Variants in MYOF observed in about 807,000 individuals in gnomAD.
MYOF encodes fer-1-like 3, myoferlin.
Under a neutral mutation model 284.2 loss-of-function variants are expected in MYOF, and 244 were observed. The observed-to-expected ratio is 0.86, with a 90% confidence interval of 0.77 to 0.95. The LOEUF (loss-of-function observed/expected upper bound fraction) is 0.95. Among genes scored for constraint, MYOF ranks in the 40% least tolerant of loss-of-function variants. MYOF has a pLI of 0.00. For missense variants in MYOF, 2,496 were observed against 2,560.6 expected (o/e 0.97, Z 0.54); for synonymous variants, 904 against 919.7 (o/e 0.98, Z 0.31).
intron 10 of MYOF, 65 bp from the exon 11 acceptor site, chr10:93,402,412 C>T: frequency 1.6e-6 from 2 of 1,281,322 alleles, no homozygotes; most frequent in Non-Finnish European, 2.3e-6. Flanking sequence ...TCTGTGATTC[C>T]TCTGCCATAA....
intron 28 of MYOF, 77 bp downstream of exon 28, chr10:93,361,375 C>T (rs1845063189): frequency 1.4e-6 from 2 of 1,399,062 alleles, no homozygotes; most frequent in East Asian, 4.6e-5. Context: ...AGGCCCCTCC[C>T]TCCCAAGGAA....
In MYOF at chr10:93,403,524, C is replaced by T. The variant is rs182304846; in HGVS notation, c.843+499G>A. Among the ~76,000 whole-genome samples the T allele has an allele frequency of 3.3e-5, 5 of 152,286 alleles. No homozygotes were observed. In the East Asian group the frequency reaches 7.7e-4, roughly 24 times the overall value. ...TCTAGGACTTCTAGTGACTGGTGCT[C>T]CTTTCTTGGAGAGGCAGCCTATTCC... On this transcript the variant is annotated intron_variant, in intron 9 of 53. Coordinates refer to ENST00000359263, the MANE Select transcript of MYOF (RefSeq NM_013451.4).
At chr10:93,453,227 A>G (rs2056645169) in intron 2 of MYOF, among the ~76,000 whole-genome samples, 1 of 151,920 alleles carries the variant, frequency 6.6e-6, no homozygotes, top group Non-Finnish European at 1.5e-5. Flanking sequence ...GTGCAGTGGC[A>G]CAATTTCAGC....
chr10:93,369,711 G>A lies in MYOF; in HGVS notation c.2523C>T (p.Gly841=), dbSNP rs530491139. 1.2e-6 allele frequency: 2 copies of A among 1,614,202 alleles called. No homozygotes were observed. The highest frequency in any genetic ancestry group is 2.2e-5 in the South Asian group (2 of 91,084). ...PVELRVNIWL[G]LSAVEKKFNS... ...TAAACTTCTTCTCCACAGCACTTAA[G>A]CCTAGCCAGATGTTCACTCGCAACT... Residue 841 remains glycine, a synonymous_variant, in exon 25 of 54, where the codon GGC becomes GGT. Transcript: ENST00000359263.
chr10:93,460,751 A>G (rs1422424522), intron 1 of MYOF, among the ~76,000 whole-genome samples: 2 of 142,240 alleles, frequency 1.4e-5, no homozygotes, highest in East Asian at 4.2e-4. Context: ...TGGGCAACAG[A>G]GCAAGACCCC....
intron 38 of MYOF, 119 bp downstream of exon 38, chr10:93,343,736 TG>T: frequency 9.9e-7 from 1 of 1,006,314 alleles, no homozygotes; most frequent in Non-Finnish European, 1.5e-6. Flanking sequence ...CCTCAATAAA[TG>T]GATTGGCTGA....
In MYOF at chr10:93,350,761, G is replaced by A. The variant is rs145345521; in HGVS notation, c.3921+436C>T. Reference sequence around the variant, plus strand: ...ACTGGACGGGGAAAGTCTTGAGAGTGGGCCAGACACTGTCTATCAAGCCAC... The same window carrying A: ...ACTGGACGGGGAAAGTCTTGAGAGTAGGCCAGACACTGTCTATCAAGCCAC... On this transcript the variant is annotated intron_variant, in intron 35 of 53. Transcript: ENST00000359263. 7.8e-4 allele frequency among the ~76,000 whole-genome samples: 119 copies of A among 152,288 alleles called. 2 individuals carry two copies. In the East Asian group the frequency reaches 0.021, roughly 27 times the overall value.
rs1843178489 is a variant in MYOF at position 93,328,913 on chromosome 10, T to C, written c.4983-2A>G. The C allele has an allele frequency of 1.3e-6, 2 of 1,597,178 alleles. No homozygotes were observed. The highest frequency in any genetic ancestry group is 4.5e-5 in the East Asian group (2 of 44,550). The stretch of plus-strand genomic sequence containing the variant: ...TCTCGCCAGGTATTGACTCCAGAAC[T>C]GTGAATAGCATCACGTGGCTCGGAG... On this transcript the variant is annotated splice_acceptor_variant, in intron 44 of 53. Coordinates refer to ENST00000359263, the MANE Select transcript of MYOF (RefSeq NM_013451.4). LOFTEE classifies it high-confidence loss of function.
chr10:93,468,669 G>A (rs541576636), intron 1 of MYOF, among the ~76,000 whole-genome samples: 4 of 152,336 alleles, frequency 2.6e-5, no homozygotes, highest in Admixed American at 6.5e-5. Context: ...CTCATCATTA[G>A]TCATCTCTTT....
At chr10:93,359,172 G>A (rs1180241823) in intron 29 of MYOF, among the ~76,000 whole-genome samples, 3 of 152,126 alleles carry the variant, frequency 2.0e-5, no homozygotes. Flanking sequence ...TCCAGCACCA[G>A]CTTTGTCACT....
intron 18 of MYOF, 52 bp from the exon 19 acceptor site, chr10:93,387,965 A>G: frequency 7.1e-7 from 1 of 1,413,046 alleles, no homozygotes; most frequent in Non-Finnish European, 1.0e-6. Flanking sequence ...AGCAAAAAGA[A>G]TTCTGTGTCT....
intron 2 of MYOF, among the ~76,000 whole-genome samples, chr10:93,452,596 C>G (rs951078359): frequency 1.3e-5 from 2 of 150,364 alleles, no homozygotes; most frequent in Non-Finnish European, 3.0e-5. Flanking sequence ...AGGAGATACA[C>G]CTAATGTAAA....
At chr10:93,316,676 C>T in intron 50 of MYOF, 38 bp downstream of exon 50, 1 of 1,527,066 alleles carries the variant, frequency 6.5e-7, no homozygotes, top group Non-Finnish European at 9.1e-7. Context: ...ATTCCAAGTA[C>T]AGTTTCTTAG....
intron 43 of MYOF, among the ~76,000 whole-genome samples, chr10:93,332,584 G>A (rs1398144161): frequency 2.0e-5 from 3 of 148,398 alleles, no homozygotes; most frequent in South Asian, 2.2e-4. Context: ...GGTGGCTCAC[G>A]CCTGTAATCC....
chr10:93,362,036 C>T (rs545665484), intron 27 of MYOF, among the ~76,000 whole-genome samples: 81 of 151,958 alleles, frequency 5.3e-4, no homozygotes, highest in African/African-American at 1.7e-3. Flanking sequence ...GCAACCTCTG[C>T]CTCCTGGGTT....
Position 93,482,258 on chromosome 10 carries a change from G to A in MYOF, c.-64C>T. ...GTGGAGACTAGGGCGCTGGAGCTCC[G>A]GGTCGCACCGCCCTGGGAGAGAAGT... is the stretch of plus-strand genomic sequence containing the variant. On this transcript the variant is annotated 5_prime_UTR_variant, in exon 1 of 54. Transcript: ENST00000359263. The A allele has an allele frequency of 2.2e-6, 3 of 1,352,292 alleles. No homozygotes were observed. Among genetic ancestry groups the A allele is most frequent in the Non-Finnish European group, 3.2e-6 (3 of 952,286 alleles). 83.8% of individuals were successfully genotyped at this position (1,352,292 alleles called of 1,614,324 possible).
chr10:93,411,469 C>T (rs760416720), intron 5 of MYOF, among the ~76,000 whole-genome samples: 8 of 152,312 alleles, frequency 5.3e-5, no homozygotes, highest in Middle Eastern at 3.4e-3. Flanking sequence ...AATATCATCA[C>T]GTTCAGGGTT....
In MYOF at chr10:93,401,419, CTGGG is replaced by C; in HGVS notation, c.1112_1115del (p.Pro371ArgfsTer10). The C allele has an allele frequency of 6.2e-7, 1 of 1,614,144 alleles. No homozygotes were observed. The highest frequency in any genetic ancestry group is 1.1e-5 in the South Asian group (1 of 91,062). On this transcript the variant is annotated frameshift_variant and splice_region_variant, in exon 12 of 54. Coordinates refer to ENST00000359263, the MANE Select transcript of MYOF (RefSeq NM_013451.4). LOFTEE classifies it high-confidence loss of function. ...GGGCAAGATTAAATCAGTACATACT[CTGGG>C]GGATGTCCTCAGCTCGGTAGATTTT...
intron 3 of MYOF, among the ~76,000 whole-genome samples, chr10:93,433,534 T>C (rs957020381): frequency 2.6e-5 from 4 of 152,208 alleles, no homozygotes; most frequent in Non-Finnish European, 5.9e-5. Context: ...GCAGATAACA[T>C]AGAAAATCAT....
Sources: gnomAD v4.1 joint callset for allele counts (sites outside exome capture counted in the v4.1 genomes callset) on GRCh38, gnomAD v4.1.1 for gene constraint, MANE v1.5 for transcripts, NCBI Gene and HGNC (gene_info 2026-07-23, HGNC 2026-07-21) for gene names.